Variants in SH2D4A observed in about 807,000 individuals in gnomAD.
SH2D4A encodes the protein SH2 domain-containing protein 4A.
SH2D4A carries 70 observed loss-of-function variants against 64.7 expected under a neutral mutation model. That is an observed-to-expected ratio of 1.08 (90% confidence interval 0.89 to 1.32). SH2D4A has a LOEUF of 1.32. SH2D4A is among the 40% of genes most tolerant of loss of function. The probability of loss-of-function intolerance (pLI) is 0.00; values close to 1 mark genes in which losing one functional copy is unlikely to be tolerated. For synonymous variants in SH2D4A, 268 were observed against 200.7 expected (o/e 1.34, Z -2.83); for missense variants, 706 against 540.1 (o/e 1.31, Z -3.04).
At chr8:19,373,690 T>G (rs903342897) in intron 8 of SH2D4A, 30 bp downstream of exon 8, 1 of 1,610,190 alleles carries the variant, frequency 6.2e-7, no homozygotes, top group Middle Eastern at 1.7e-4. Context: ...CAATGGTGTT[T>G]CGTCTTAGGG....
intron 4 of SH2D4A, among the ~76,000 whole-genome samples, chr8:19,344,719 T>A (rs987650799): frequency 1.3e-5 from 2 of 152,206 alleles, no homozygotes; most frequent in Non-Finnish European, 2.9e-5. Context: ...GTCAGTAGTA[T>A]AGGCCTGCCA....
intron 9 of SH2D4A, among the ~76,000 whole-genome samples, chr8:19,394,145 T>C (rs766684265): frequency 1.3e-5 from 2 of 152,128 alleles, no homozygotes; most frequent in Non-Finnish European, 2.9e-5. Flanking sequence ...AAGGTTTGTG[T>C]TCCTATGAAA....
chr8:19,364,067 T>C lies in SH2D4A; in HGVS notation c.707-5T>C, dbSNP rs756670811. ...GGGTTTTCTCCGACCCCGTTGTTTT[T>C]CCAGTGCGAAAATCCAAAGCAGCTG... is the stretch of plus-strand genomic sequence containing the variant. On this transcript the variant is annotated splice_polypyrimidine_tract_variant and splice_region_variant and intron_variant, in intron 6 of 9. Coordinates refer to ENST00000265807, the MANE Select transcript of SH2D4A (RefSeq NM_022071.4). 6.2e-7 allele frequency: 1 copy of C among 1,613,822 alleles called. No individual in the cohort carries two copies.
chr8:19,373,409 CATGTATATATATGCATGTATATGT>C (rs1219569317), intron 7 of SH2D4A, 97 bp from the exon 8 acceptor site: 1 of 545,742 alleles, frequency 1.8e-6, no homozygotes, highest in East Asian at 3.3e-5. Context: ...TACAGACATG[CATGTATATATATGCATGTATATGT>C]ATGTGTGTGT....
At chr8:19,327,751 C>G (rs902457286) in intron 2 of SH2D4A, among the ~76,000 whole-genome samples, 1 of 152,202 alleles carries the variant, frequency 6.6e-6, no homozygotes, top group Admixed American at 6.5e-5. Context: ...AGCAGACACT[C>G]AGTAAATACT....
chr8:19,363,984 G>A (rs543331714), intron 6 of SH2D4A, 88 bp from the exon 7 acceptor site: 16 of 1,239,392 alleles, frequency 1.3e-5, no homozygotes, highest in South Asian at 7.8e-5. Flanking sequence ...GAGAACCTGC[G>A]CTGCTGCCCG....
intron 3 of SH2D4A, 79 bp downstream of exon 3, chr8:19,333,193 C>G: frequency 6.8e-7 from 1 of 1,475,908 alleles, no homozygotes; most frequent in South Asian, 1.4e-5. Flanking sequence ...CTCTTGCTCA[C>G]AGTATCAGGT....
At chr8:19,314,783 G>A (rs1484872425) in intron 1 of SH2D4A, among the ~76,000 whole-genome samples, 2 of 152,210 alleles carry the variant, frequency 1.3e-5, no homozygotes, top group African/African-American at 4.8e-5. Flanking sequence ...AATTCTCTAT[G>A]TATACTAAAT....
rs1175017987 is a variant in SH2D4A at position 19,319,181 on chromosome 8, T to C, written c.-204-163T>C. 1.1e-4 allele frequency among the ~76,000 whole-genome samples: 16 copies of C among 152,144 alleles called. No individual in the cohort carries two copies. The East Asian group carries it at 2.9e-3, about 27-fold the overall frequency. On this transcript the variant is annotated intron_variant, in intron 1 of 9. Transcript: ENST00000265807. The stretch of plus-strand genomic sequence containing the variant: ...TTTAGAAATTACAGGATAGAGGTTA[T>C]ACAAACTCTTAACAAAGTGTGCCTC...
chr8:19,345,466 T>C (rs1218148033), intron 4 of SH2D4A, among the ~76,000 whole-genome samples: 1 of 152,224 alleles, frequency 6.6e-6, no homozygotes, highest in South Asian at 2.1e-4. Flanking sequence ...ACTTTTGTAT[T>C]TGAGCAGCAG....
chr8:19,352,541 C>T (rs771400860), intron 4 of SH2D4A, among the ~76,000 whole-genome samples: 2 of 152,188 alleles, frequency 1.3e-5, no homozygotes, highest in Non-Finnish European at 1.5e-5. Context: ...TAACTCTGCT[C>T]ATAGAGCTCC....
At position 19,361,325 on chromosome 8, in the gene SH2D4A, A is replaced by G. The variant is rs2052883942; in HGVS notation, c.706+11A>G. ...AATGGCAGGCATCTCGTGAGTACCC[A>G]GAGGTCTCCATAGCACCTTCCAGGC... On this transcript the variant is annotated intron_variant, in intron 6 of 9. Transcript: ENST00000265807. 1 of 1,599,822 alleles carries G rather than the reference A, an allele frequency of 6.3e-7. No individual in the cohort carries two copies. The highest frequency in any genetic ancestry group is 1.4e-5 in the African/African-American group (1 of 73,858).
chr8:19,370,540 T>C lies in SH2D4A; in HGVS notation c.918-2990T>C, dbSNP rs527965409. ...AGCTTCAGGTCTGCTTTATATGATATAAATATAGCTACTCCTGTTGTCTTT... is the reference window on the plus strand; with the variant it reads ...AGCTTCAGGTCTGCTTTATATGATACAAATATAGCTACTCCTGTTGTCTTT... On this transcript the variant is annotated intron_variant, in intron 7 of 9. Transcript: ENST00000265807. Among the ~76,000 whole-genome samples, 21 of 149,838 alleles carry C rather than the reference T, an allele frequency of 1.4e-4. No homozygotes were observed. In the East Asian group the frequency reaches 3.9e-3, roughly 27 times the overall value.
chr8:19,338,532 G>A (rs368572222), intron 4 of SH2D4A, among the ~76,000 whole-genome samples: 3 of 152,186 alleles, frequency 2.0e-5, no homozygotes, highest in South Asian at 4.1e-4. Context: ...TCCTGGTTGA[G>A]GTCAGAGGGA....
intron 8 of SH2D4A, among the ~76,000 whole-genome samples, chr8:19,383,141 A>G (rs1326708243): frequency 2.0e-5 from 3 of 148,046 alleles, no homozygotes; most frequent in Middle Eastern, 3.3e-3. Context: ...TTCTTCAAAT[A>G]CTCTCTCTGC....
At chr8:19,362,587 A>G (rs562841787) in intron 6 of SH2D4A, among the ~76,000 whole-genome samples, 4 of 152,188 alleles carry the variant, frequency 2.6e-5, no homozygotes, top group Non-Finnish European at 4.4e-5. Flanking sequence ...TAAAAATACA[A>G]AAATTAGCTG....
At chr8:19,343,277 G>GA (rs1250560556) in intron 4 of SH2D4A, among the ~76,000 whole-genome samples, 2 of 151,888 alleles carry the variant, frequency 1.3e-5, no homozygotes, top group Non-Finnish European at 2.9e-5. Context: ...TTAAAAAAAA[G>GA]AAAAAAATAG....
At chr8:19,329,128 A>C (rs1216502313) in intron 2 of SH2D4A, among the ~76,000 whole-genome samples, 1 of 152,046 alleles carries the variant, frequency 6.6e-6, no homozygotes, top group Non-Finnish European at 1.5e-5. Context: ...TTCTTTGGTC[A>C]TGTTGTTCTT....
intron 8 of SH2D4A, among the ~76,000 whole-genome samples, chr8:19,384,380 GA>G (rs2053348624): frequency 6.6e-6 from 1 of 152,200 alleles, no homozygotes; most frequent in Non-Finnish European, 1.5e-5. Flanking sequence ...CTAGATTAAT[GA>G]TCTTCTAAAT....
Sources: gnomAD v4.1 joint callset for allele counts (sites outside exome capture counted in the v4.1 genomes callset) on GRCh38, gnomAD v4.1.1 for gene constraint, MANE v1.5 for transcripts, NCBI Gene and HGNC (gene_info 2026-07-23, HGNC 2026-07-21) for gene names.